PPM1H: variants seen among roughly 807,000 people sequenced by gnomAD.
PPM1H encodes protein phosphatase, Mg2+/Mn2+ dependent 1H, also known as protein phosphatase 1H.
Under a neutral mutation model 54.9 loss-of-function variants are expected in PPM1H, and 27 were observed. The observed-to-expected ratio is 0.49, with a 90% confidence interval of 0.36 to 0.68. The LOEUF (loss-of-function observed/expected upper bound fraction) is 0.68. PPM1H is among the 30% of genes least tolerant of loss of function. The pLI, the probability that PPM1H is intolerant of heterozygous loss-of-function variation, is 0.00. For synonymous variants in PPM1H, 305 were observed against 270.8 expected (o/e 1.13, Z -1.24); for missense variants, 596 against 667.8 (o/e 0.89, Z 1.19).
At chr12:62,651,551 C>CA (rs1241143958) in intron 9 of PPM1H, among the ~76,000 whole-genome samples, 1 of 152,172 alleles carries the variant, frequency 6.6e-6, no homozygotes, top group Non-Finnish European at 1.5e-5. Context: ...GATGGCTACC[C>CA]AGGAAACTCA....
chr12:62,866,098 T>C (rs193087648), intron 1 of PPM1H, among the ~76,000 whole-genome samples: 2 of 152,300 alleles, frequency 1.3e-5, no homozygotes, highest in Admixed American at 6.5e-5. Flanking sequence ...AGGGGTGTCA[T>C]TGGAGTAAGA....
intron 2 of PPM1H, among the ~76,000 whole-genome samples, chr12:62,804,644 A>C (rs1051448944): frequency 1.0e-4 from 15 of 150,386 alleles, no homozygotes; most frequent in African/African-American, 3.4e-4. Flanking sequence ...TCATTTTTTT[A>C]ATGCTTCATT....
At chr12:62,929,970 G>C (rs1231246269) in intron 1 of PPM1H, among the ~76,000 whole-genome samples, 1 of 152,052 alleles carries the variant, frequency 6.6e-6, no homozygotes, top group African/African-American at 2.4e-5. Flanking sequence ...TCTGCAAAGA[G>C]GTATCAGTCA....
intron 2 of PPM1H, among the ~76,000 whole-genome samples, chr12:62,829,765 TAAA>T (rs1425115443): frequency 6.6e-6 from 1 of 152,106 alleles, no homozygotes; most frequent in African/African-American, 2.4e-5. Flanking sequence ...GACAAGAAGT[TAAA>T]AAGTCACCCC....
intron 1 of PPM1H, among the ~76,000 whole-genome samples, chr12:62,881,632 T>C (rs771971): frequency 0.53 from 81,069 of 152,010 alleles, 22,311 homozygotes; most frequent in South Asian, 0.66. Flanking sequence ...TACCCACATA[T>C]TCACTTTGTA....
chr12:62,662,197 T>G (rs1592529754), intron 9 of PPM1H, among the ~76,000 whole-genome samples: 1 of 152,144 alleles, frequency 6.6e-6, no homozygotes, highest in East Asian at 1.9e-4. Context: ...CAAGCCAGCT[T>G]AGACACAGAA....
At chr12:62,839,593 C>T (rs532766655) in intron 1 of PPM1H, among the ~76,000 whole-genome samples, 9 of 151,536 alleles carry the variant, frequency 5.9e-5, no homozygotes, top group Middle Eastern at 3.4e-3. Context: ...TTGAAGTGAC[C>T]AGCCTGGCCT....
At chr12:62,884,563 A>G (rs1287020254) in intron 1 of PPM1H, among the ~76,000 whole-genome samples, 2 of 151,970 alleles carry the variant, frequency 1.3e-5, no homozygotes, top group African/African-American at 4.8e-5. Flanking sequence ...TATCAGGTGT[A>G]ATTTCACCTT....
intron 8 of PPM1H, among the ~76,000 whole-genome samples, chr12:62,672,734 T>C (rs2075963559): frequency 6.6e-6 from 1 of 152,204 alleles, no homozygotes; most frequent in Non-Finnish European, 1.5e-5. Flanking sequence ...CATTTCCTTA[T>C]TGGGTATTTT....
intron 4 of PPM1H, among the ~76,000 whole-genome samples, chr12:62,786,966 T>C (rs960588094): frequency 6.6e-6 from 1 of 152,226 alleles, no homozygotes. Context: ...ACCACATATA[T>C]ACTTTTGAAA....
chr12:62,683,521 T>C (rs2076034985), intron 8 of PPM1H, among the ~76,000 whole-genome samples: 1 of 152,274 alleles, frequency 6.6e-6, no homozygotes, highest in East Asian at 1.9e-4. Flanking sequence ...GAAGGCTGTT[T>C]CAGATAAAAG....
rs1173671871 is a variant in PPM1H at position 62,645,490 on chromosome 12, A to AGAT, written c.*2996_*2998dup. The AGAT allele has an allele frequency of 2.6e-5, 4 of 151,946 alleles. No homozygotes were observed. The highest frequency in any genetic ancestry group is 9.7e-5 in the African/African-American group (4 of 41,108). 9.4% of individuals were successfully genotyped at this position (151,946 alleles called of 1,614,324 possible). A position where few individuals can be genotyped will look rare whatever the true frequency, so the allele number is the denominator to read the frequency against. ...TTTCCTTTTACACCTCAAGAACAGC[A>AGAT]GATAGGTATGCATAACCACAGCAGA... On this transcript the variant is annotated 3_prime_UTR_variant, in exon 10 of 10. Coordinates refer to ENST00000228705, the MANE Select transcript of PPM1H (RefSeq NM_020700.2).
chr12:62,848,283 G>A (rs985271605), intron 1 of PPM1H, among the ~76,000 whole-genome samples: 2 of 152,076 alleles, frequency 1.3e-5, no homozygotes, highest in Admixed American at 1.3e-4. Context: ...TAACTAAGGT[G>A]CAAAAGTTCA....
At chr12:62,666,711 G>C (rs138792677) in intron 9 of PPM1H, among the ~76,000 whole-genome samples, 10 of 152,002 alleles carry the variant, frequency 6.6e-5, no homozygotes, top group Admixed American at 1.3e-4. Context: ...GGCAGAGAAA[G>C]TACCTCTTTT....
chr12:62,840,069 G>GAA (rs985654973), intron 1 of PPM1H: 2 of 127,706 alleles, frequency 1.6e-5, no homozygotes, highest in African/African-American at 7.5e-5. Flanking sequence ...GAGAGAGAGA[G>GAA]AGAGAGAGAG....
chr12:62,703,429 A>T (rs1194867992), intron 6 of PPM1H, among the ~76,000 whole-genome samples: 1 of 113,862 alleles, frequency 8.8e-6, no homozygotes, highest in Non-Finnish European at 1.7e-5. Flanking sequence ...TCCAGGAGGG[A>T]GGAGAAAGCC....
chr12:62,755,334 C>T, intron 4 of PPM1H: 1 of 1,150,696 alleles, frequency 8.7e-7, no homozygotes, highest in Non-Finnish European at 1.3e-6. Flanking sequence ...ATGACCCCTT[C>T]ATTGACCTCA....
intron 9 of PPM1H, chr12:62,658,971 G>T: frequency 5.6e-6 from 4 of 713,606 alleles, no homozygotes; most frequent in South Asian, 4.1e-5. Context: ...AGGTTCAAAG[G>T]CTAGATCTTG....
chr12:62,706,901 C>T (rs905025974), intron 6 of PPM1H, among the ~76,000 whole-genome samples: 1 of 152,188 alleles, frequency 6.6e-6, no homozygotes, highest in African/African-American at 2.4e-5. Flanking sequence ...TTAAAACATA[C>T]CAGTACTCCT....
Sources: gnomAD v4.1 joint callset for allele counts (sites outside exome capture counted in the v4.1 genomes callset) on GRCh38, gnomAD v4.1.1 for gene constraint, MANE v1.5 for transcripts, NCBI Gene and HGNC (gene_info 2026-07-23, HGNC 2026-07-21) for gene names.